NPR3: variants seen among roughly 807,000 people sequenced by gnomAD.
NPR3 encodes natriuretic peptide receptor 3.
In NPR3, 34 loss-of-function variants were observed where a neutral mutation model predicts 54.5. The ratio of observed to expected loss-of-function variants is 0.62; its 90% CI spans 0.47 to 0.83. The LOEUF is 0.83. Among genes scored for constraint, NPR3 ranks in the 40% least tolerant of loss-of-function variants. The pLI is 0.00. For missense variants in NPR3, 674 were observed against 720.8 expected (o/e 0.94, Z 0.74); for synonymous variants, 289 against 297.1 (o/e 0.97, Z 0.28).
chr5:32,766,523 T>G (rs1359409686), intron 3 of NPR3, among the ~76,000 whole-genome samples: 1 of 152,224 alleles, frequency 6.6e-6, no homozygotes, highest in African/African-American at 2.4e-5. Context: ...ATATAAAAAG[T>G]TTTGATACTT....
chr5:32,716,338 T>A (rs1738544223), intron 1 of NPR3: 1 of 446,632 alleles, frequency 2.2e-6, no homozygotes, highest in Non-Finnish European at 4.5e-6. Flanking sequence ...CCTGTAGGTA[T>A]TGACCTTCAT....
At chr5:32,749,860 C>G (rs1205593228) in intron 3 of NPR3, among the ~76,000 whole-genome samples, 1 of 152,148 alleles carries the variant, frequency 6.6e-6, no homozygotes, top group African/African-American at 2.4e-5. Context: ...ACTTTCTTCT[C>G]TGTATAAGGT....
intron 3 of NPR3, among the ~76,000 whole-genome samples, chr5:32,744,687 C>T (rs112176500): frequency 0.015 from 2,314 of 152,226 alleles, 35 homozygotes; most frequent in Non-Finnish European, 0.023. Context: ...TTGTGCCTAC[C>T]GCATGCAGTA....
intron 4 of NPR3, among the ~76,000 whole-genome samples, chr5:32,779,362 G>A (rs1287511375): frequency 6.6e-6 from 1 of 152,198 alleles, no homozygotes. Context: ...TTTAGTGAAT[G>A]AAAATTATGA....
chr5:32,710,988 G>A (rs1225045496), upstream of NPR3, among the ~76,000 whole-genome samples: 1 of 151,962 alleles, frequency 6.6e-6, no homozygotes, highest in Non-Finnish European at 1.5e-5. Context: ...GAGCTGGAGA[G>A]CGTGGAAAGG....
intron 3 of NPR3, among the ~76,000 whole-genome samples, chr5:32,769,097 G>A (rs1741620350): frequency 1.3e-5 from 2 of 152,106 alleles, no homozygotes; most frequent in South Asian, 4.2e-4. Flanking sequence ...CAGGAATTGG[G>A]GTCTCTGTCA....
intron 3 of NPR3, among the ~76,000 whole-genome samples, chr5:32,758,234 G>A (rs924863722): frequency 6.6e-6 from 1 of 152,238 alleles, no homozygotes. Context: ...TCTGGTCCTG[G>A]ACTTTTTTTG....
At chr5:32,710,794 G>A (rs1196067816), upstream of NPR3, 5 of 1,523,672 alleles carry the variant, frequency 3.3e-6, no homozygotes, top group Admixed American at 4.3e-5. Context: ...GTGAGAGCAA[G>A]CGGCACCTAA....
At chr5:32,727,990 G>A (rs578244298) in intron 2 of NPR3, among the ~76,000 whole-genome samples, 2 of 152,190 alleles carry the variant, frequency 1.3e-5, no homozygotes, top group Admixed American at 1.3e-4. Flanking sequence ...AATGAATATT[G>A]AATAATATCA....
chr5:32,711,695 G>C lies in NPR3; in HGVS notation c.-82G>C. The stretch of plus-strand genomic sequence containing the variant: ...GGGGGCGCAGGGACCTTGGAGAGAA[G>C]AGTGGGGAGGAAAGAGGAAGGGTGG... On this transcript the variant is annotated 5_prime_UTR_variant, in exon 1 of 8. Coordinates refer to ENST00000265074, the MANE Select transcript of NPR3 (RefSeq NM_001204375.2). The C allele has an allele frequency of 5.1e-6, 7 of 1,376,792 alleles. No homozygotes were observed. The highest frequency in any genetic ancestry group is 6.6e-6 in the Non-Finnish European group (7 of 1,068,294). The allele number at this position is 1,376,792 out of a possible 1,614,324, so 85.3% of individuals were successfully genotyped here.
At chr5:32,739,614 G>C (rs1419856568) in intron 3 of NPR3, among the ~76,000 whole-genome samples, 2 of 152,120 alleles carry the variant, frequency 1.3e-5, no homozygotes, top group Non-Finnish European at 2.9e-5. Context: ...TTCAAGAGTG[G>C]ACAAGAGTCA....
At chr5:32,780,156 G>A (rs1472123718) in intron 4 of NPR3, among the ~76,000 whole-genome samples, 1 of 152,170 alleles carries the variant, frequency 6.6e-6, no homozygotes, top group Non-Finnish European at 1.5e-5. Context: ...GAGAATGTTT[G>A]GATAAACAAT....
chr5:32,714,299 A>C (rs1013144391), intron 1 of NPR3, among the ~76,000 whole-genome samples: 5 of 152,094 alleles, frequency 3.3e-5, no homozygotes, highest in Admixed American at 2.0e-4. Context: ...AACCAAGGGC[A>C]TGTGTGAGAC....
intron 1 of NPR3, among the ~76,000 whole-genome samples, chr5:32,692,442 T>C (rs4867121): frequency 0.34 from 52,294 of 152,048 alleles, 9,295 homozygotes; most frequent in Middle Eastern, 0.46. Flanking sequence ...CAAAGACGAA[T>C]ATTTAAAGTG....
chr5:32,775,146 C>G (rs1741978141), intron 4 of NPR3, among the ~76,000 whole-genome samples: 1 of 152,170 alleles, frequency 6.6e-6, no homozygotes, highest in Non-Finnish European at 1.5e-5. Context: ...GTGAAGAGTT[C>G]TGTGATGAGT....
At chr5:32,725,609 G>C (rs1253231400) in intron 2 of NPR3, among the ~76,000 whole-genome samples, 2 of 152,108 alleles carry the variant, frequency 1.3e-5, no homozygotes, top group African/African-American at 4.8e-5. Context: ...TGAGATTTGG[G>C]CAGAATTTTT....
At position 32,791,050 on chromosome 5, in the gene NPR3, C is replaced by A. The variant is rs189865366; in HGVS notation, c.*4705C>A. 6.0e-6 allele frequency: 1 copy of A among 167,178 alleles called. No homozygotes were observed. The highest frequency in any genetic ancestry group is 1.9e-4 in the East Asian group (1 of 5,190). 10.4% of individuals were successfully genotyped at this position (167,178 alleles called of 1,614,324 possible). Reference sequence around the variant, plus strand: ...ATTTGCTAGGAGAACAAAGCTGTCACGGTGCATGATAGTTGGACAGAGATG... The same window carrying A: ...ATTTGCTAGGAGAACAAAGCTGTCAAGGTGCATGATAGTTGGACAGAGATG... On this transcript the variant is annotated 3_prime_UTR_variant, in exon 8 of 8. Coordinates refer to ENST00000265074, the MANE Select transcript of NPR3 (RefSeq NM_001204375.2).
Position 32,789,617 on chromosome 5 carries a change from C to A in NPR3, c.*3272C>A, listed in dbSNP as rs1742805734. 2 of 534,660 alleles carry A rather than the reference C, an allele frequency of 3.7e-6. No homozygotes were observed. Among genetic ancestry groups the A allele is most frequent in the African/African-American group, 3.8e-5 (2 of 51,972 alleles). The allele number at this position is 534,660 out of a possible 1,614,324, so 33.1% of individuals were successfully genotyped here. On this transcript the variant is annotated 3_prime_UTR_variant, in exon 8 of 8. Transcript: ENST00000265074. ...TTTGCTTTGGAATGCCCTCACTTCT[C>A]CCTATTCACAGGCTTCTAAAATCAT...
chr5:32,747,791 T>G (rs1740380286), intron 3 of NPR3, among the ~76,000 whole-genome samples: 1 of 151,208 alleles, frequency 6.6e-6, no homozygotes, highest in African/African-American at 2.4e-5. Context: ...GGTCTCACTC[T>G]GTCACCCAGG....
Sources: gnomAD v4.1 joint callset for allele counts (sites outside exome capture counted in the v4.1 genomes callset) on GRCh38, gnomAD v4.1.1 for gene constraint, MANE v1.5 for transcripts, NCBI Gene and HGNC (gene_info 2026-07-23, HGNC 2026-07-21) for gene names.